DTNA: variants seen among roughly 807,000 people sequenced by gnomAD.
DTNA encodes dystrophin-related protein 3.
Under a neutral mutation model 100.7 loss-of-function variants are expected in DTNA, and 43 were observed. That is an observed-to-expected ratio of 0.43 (90% CI 0.33 to 0.55). The LOEUF is 0.55. Ranked by LOEUF, DTNA falls within the 20% of genes least tolerant of loss-of-function variation. The probability of loss-of-function intolerance (pLI) is 0.04; values close to 1 mark genes in which losing one functional copy is unlikely to be tolerated. For synonymous variants in DTNA, 349 were observed against 347.9 expected, an observed-to-expected ratio of 1.00 and a Z score of -0.04; for missense variants, 798 against 953.9, an observed-to-expected ratio of 0.84 and a Z score of 2.15.
At chr18:34,675,513 C>A (rs539876579) in intron 1 of DTNA, among the ~76,000 whole-genome samples, 1 of 151,934 alleles carries the variant, frequency 6.6e-6, no homozygotes, top group East Asian at 1.9e-4. Context: ...TAATATGGTG[C>A]AAGTTCACAA....
At chr18:34,754,890 C>T (rs1292817815) in intron 1 of DTNA, among the ~76,000 whole-genome samples, 1 of 152,102 alleles carries the variant, frequency 6.6e-6, no homozygotes, top group African/African-American at 2.4e-5. Context: ...GGAAGATAGA[C>T]AAACTGAGAT....
At chr18:34,827,769 A>T in intron 10 of DTNA, 93 bp downstream of exon 10, 1 of 1,259,270 alleles carries the variant, frequency 7.9e-7, no homozygotes, top group Non-Finnish European at 1.2e-6. Context: ...AGCCAAGGGC[A>T]GAATATTGTT....
intron 1 of DTNA, among the ~76,000 whole-genome samples, chr18:34,579,764 G>A (rs2048441572): frequency 6.6e-6 from 1 of 152,078 alleles, no homozygotes. Flanking sequence ...TGTTGGTGGT[G>A]GTGGAGTTTG....
rs191713661 is a variant in DTNA, at chr18:34,866,236, G to T, written c.1743+2174G>T. The T allele has an allele frequency of 2.9e-3, 4,728 of 1,606,386 alleles. 10 individuals carry two copies. The highest frequency in any genetic ancestry group is 3.8e-3 in the Non-Finnish European group (4,411 of 1,175,778). ...CTAATGTATGTTCATGCTTCAGTTT[G>T]GAAAGAGAAAAAAGTCATACTAATT... On this transcript the variant is annotated intron_variant, in intron 17 of 22. Transcript: ENST00000444659.
In DTNA at chr18:34,887,993, T is replaced by C; in HGVS notation, c.*259T>C. The C allele has an allele frequency of 6.1e-6, 6 of 985,838 alleles. No individual in the cohort carries two copies. Among genetic ancestry groups the C allele is most frequent in the Non-Finnish European group, 7.2e-6 (6 of 829,938 alleles). The allele number at this position is 985,838 out of a possible 1,614,324, so 61.1% of individuals were successfully genotyped here. ...GATTTGTAGTGCATAGGTGTGTGTT[T>C]CAAGAAGGAAAAAAAAAGACTTCTG... On this transcript the variant is annotated 3_prime_UTR_variant, in exon 23 of 23. Coordinates refer to ENST00000444659, the MANE Select transcript of DTNA (RefSeq NM_001386795.1).
At chr18:34,608,514 T>G (rs1220439407) in intron 1 of DTNA, among the ~76,000 whole-genome samples, 1 of 79,990 alleles carries the variant, frequency 1.3e-5, no homozygotes, top group Admixed American at 1.2e-4. Flanking sequence ...ATTCGTTAGG[T>G]TTTTTTTTTT....
intron 16 of DTNA, among the ~76,000 whole-genome samples, chr18:34,860,645 T>C (rs1444223066): frequency 6.6e-6 from 1 of 152,208 alleles, no homozygotes; most frequent in Non-Finnish European, 1.5e-5. Flanking sequence ...CAGAGCTTTG[T>C]TTTTCGTTAA....
At chr18:34,867,943 A>G in intron 17 of DTNA, 1 of 985,478 alleles carries the variant, frequency 1.0e-6, no homozygotes, top group Non-Finnish European at 1.2e-6. Context: ...TCGTCTGGGT[A>G]GTGGCAGAGT....
Position 34,644,199 on chromosome 18 carries a change from G to A in DTNA, c.-1-111777G>A, listed in dbSNP as rs75728062. On this transcript the variant is annotated intron_variant, in intron 1 of 19. Coordinates refer to the DTNA transcript ENST00000283365. ...CCTCTAGTGGAATTCTTAGTAAGTA[G>A]TGGAAGTACATATAGAGAGAGTGAA... Among the ~76,000 whole-genome samples the A allele has an allele frequency of 2.9e-3, 446 of 152,202 alleles. 1 individual carries two copies. Among genetic ancestry groups the A allele is most frequent in the Non-Finnish European group, 4.5e-3 (309 of 67,962 alleles).
intron 9 of DTNA, among the ~76,000 whole-genome samples, chr18:34,824,271 C>G (rs1419169121): frequency 6.6e-6 from 1 of 151,950 alleles, no homozygotes; most frequent in Non-Finnish European, 1.5e-5. Flanking sequence ...GTCAGGAGAT[C>G]GAGACCATCC....
intron 1 of DTNA, among the ~76,000 whole-genome samples, chr18:34,617,524 G>A (rs1386557160): frequency 6.6e-6 from 1 of 152,066 alleles, no homozygotes; most frequent in East Asian, 1.9e-4. Flanking sequence ...GATTCAGTTC[G>A]CTAGTATTTC....
chr18:34,771,732 A>G (rs79495154), intron 3 of DTNA, among the ~76,000 whole-genome samples: 15,714 of 152,236 alleles, frequency 0.1, 1,019 homozygotes, highest in South Asian at 0.15. Context: ...AAGAATACAA[A>G]TAATATTTTA....
intron 1 of DTNA, among the ~76,000 whole-genome samples, chr18:34,613,001 G>A (rs1440544980): frequency 1.3e-5 from 2 of 151,960 alleles, no homozygotes; most frequent in East Asian, 1.9e-4. Flanking sequence ...CAAATTGAAG[G>A]TTTGTGGCAA....
chr18:34,568,689 T>G (rs2047304789), intron 1 of DTNA, among the ~76,000 whole-genome samples: 1 of 152,188 alleles, frequency 6.6e-6, no homozygotes, highest in South Asian at 2.1e-4. Flanking sequence ...AGTGGCACGA[T>G]CTTGGCTCAT....
At chr18:34,871,258 T>C (rs2096762852) in intron 17 of DTNA, among the ~76,000 whole-genome samples, 1 of 152,190 alleles carries the variant, frequency 6.6e-6, no homozygotes, top group Non-Finnish European at 1.5e-5. Flanking sequence ...AAACACTTCC[T>C]GGAAAATATC....
chr18:34,555,290 C>T (rs997356444), intron 1 of DTNA, among the ~76,000 whole-genome samples: 25 of 148,228 alleles, frequency 1.7e-4, no homozygotes, highest in South Asian at 4.3e-4. Flanking sequence ...GTCTTGCTAG[C>T]GGTCTATCAG....
chr18:34,511,834 A>G (rs1479973520), intron 1 of DTNA, among the ~76,000 whole-genome samples: 1 of 152,084 alleles, frequency 6.6e-6, no homozygotes, highest in Non-Finnish European at 1.5e-5. Flanking sequence ...ATATTTAAAT[A>G]TATTAGGTGA....
chr18:34,765,902 AT>A, intron 2 of DTNA, 58 bp from the exon 3 acceptor site: 1 of 1,537,534 alleles, frequency 6.5e-7, no homozygotes, highest in Non-Finnish European at 9.0e-7. Flanking sequence ...ATTTGTAAAC[AT>A]TGTAAATTTC....
At chr18:34,553,857 C>A (rs543029778) in intron 1 of DTNA, among the ~76,000 whole-genome samples, 2,533 of 152,152 alleles carry the variant, frequency 0.017, 33 homozygotes, top group Middle Eastern at 0.048. Context: ...CTTGGTGATG[C>A]GGGCTCTTTT....
Sources: gnomAD v4.1 joint callset for allele counts (sites outside exome capture counted in the v4.1 genomes callset) on GRCh38, gnomAD v4.1.1 for gene constraint, MANE v1.5 for transcripts, NCBI Gene and HGNC (gene_info 2026-07-23, HGNC 2026-07-21) for gene names.